Variants in MCC observed in about 807,000 individuals in gnomAD.
The protein encoded by MCC is colorectal mutant cancer protein.
In MCC, 90 loss-of-function variants were observed where a neutral mutation model predicts 116.2. The observed-to-expected ratio is 0.77, with a 90% CI of 0.65 to 0.92. MCC has a LOEUF of 0.92. Ranked by LOEUF, MCC falls within the 40% of genes least tolerant of loss-of-function variation. MCC has a pLI of 0.00. For synonymous variants in MCC, 578 were observed against 510.5 expected (o/e 1.13, Z -1.78); for missense variants, 1,516 against 1,312.2 (o/e 1.16, Z -2.40).
At chr5:113,189,229 T>A (rs184161553) in intron 3 of MCC, among the ~76,000 whole-genome samples, 4 of 152,208 alleles carry the variant, frequency 2.6e-5, no homozygotes, top group Non-Finnish European at 5.9e-5. Flanking sequence ...TGGCATCTTA[T>A]ATCACAACTC....
At chr5:113,149,742 C>G (rs924916936) in intron 4 of MCC, among the ~76,000 whole-genome samples, 8 of 152,074 alleles carry the variant, frequency 5.3e-5, no homozygotes, top group Non-Finnish European at 1.2e-4. Flanking sequence ...AAACAAAGCA[C>G]TTACACAGTA....
intron 1 of MCC, among the ~76,000 whole-genome samples, chr5:113,486,021 C>A (rs1028253530): frequency 6.6e-6 from 1 of 152,170 alleles, no homozygotes; most frequent in African/African-American, 2.4e-5. Context: ...GAGAGGGAAT[C>A]ATTTAATGCC....
At chr5:113,196,299 C>T (rs371997587) in intron 3 of MCC, among the ~76,000 whole-genome samples, 12 of 152,254 alleles carry the variant, frequency 7.9e-5, no homozygotes, top group South Asian at 2.1e-4. Context: ...GGGTCACAGT[C>T]AGGTGCCCAG....
rs57174154 is a variant in MCC, at chr5:113,249,139, GCTCT to G, written c.627+91376_627+91379del. 5.4e-3 allele frequency among the ~76,000 whole-genome samples: 809 copies of G among 149,382 alleles called. 3 individuals are homozygous for G. Among genetic ancestry groups the G allele is most frequent in the Middle Eastern group, 0.01 (3 of 292 alleles). ...TTACAGGCGTGAGCCACCGCACCCA[GCTCT>G]CTCTCTCTCTCTCTCTCTAAACAAT... On this transcript the variant is annotated intron_variant, in intron 3 of 18. Coordinates refer to ENST00000408903, the MANE Select transcript of MCC (RefSeq NM_001085377.2).
chr5:113,183,578 G>A (rs981463662), intron 3 of MCC, among the ~76,000 whole-genome samples: 2 of 152,078 alleles, frequency 1.3e-5, no homozygotes, highest in Admixed American at 1.3e-4. Flanking sequence ...TTCATTGGCT[G>A]CATCAAATTA....
chr5:113,444,481 C>T (rs141615148), intron 1 of MCC, among the ~76,000 whole-genome samples: 28 of 152,312 alleles, frequency 1.8e-4, no homozygotes, highest in African/African-American at 6.3e-4. Flanking sequence ...CTGCGGTCTA[C>T]ATGTCCTAGT....
intron 1 of MCC, among the ~76,000 whole-genome samples, chr5:113,463,715 T>C (rs455435): frequency 0.69 from 104,893 of 152,062 alleles, 36,598 homozygotes; most frequent in East Asian, 0.88. Context: ...GTTATGCAAG[T>C]CTGAGATGCA....
chr5:113,040,109 A>G (rs2150213189), intron 17 of MCC, among the ~76,000 whole-genome samples: 1 of 152,000 alleles, frequency 6.6e-6, no homozygotes, highest in East Asian at 1.9e-4. Flanking sequence ...CACAGCCAAC[A>G]AACTGCAATA....
chr5:113,311,360 T>C (rs2150368117), intron 3 of MCC, among the ~76,000 whole-genome samples: 1 of 152,314 alleles, frequency 6.6e-6, no homozygotes, highest in East Asian at 1.9e-4. Flanking sequence ...GAGTCTGTCA[T>C]GTTTCCTCTT....
At chr5:113,282,913 A>G (rs1441043997) in intron 3 of MCC, among the ~76,000 whole-genome samples, 1 of 151,748 alleles carries the variant, frequency 6.6e-6, no homozygotes, top group East Asian at 1.9e-4. Flanking sequence ...CTCTCCTAAA[A>G]CTCCTCTTTG....
At chr5:113,264,970 G>C (rs1318647062) in intron 3 of MCC, among the ~76,000 whole-genome samples, 5 of 152,110 alleles carry the variant, frequency 3.3e-5, no homozygotes, top group African/African-American at 1.2e-4. Flanking sequence ...TAACTTGGGA[G>C]GCGGAAGTTG....
At chr5:113,201,911 G>A (rs903150870) in intron 3 of MCC, among the ~76,000 whole-genome samples, 1 of 152,106 alleles carries the variant, frequency 6.6e-6, no homozygotes, top group African/African-American at 2.4e-5. Flanking sequence ...CACGCTGTCA[G>A]GCAGGCTACA....
chr5:113,392,491 CTT>C (rs1769425409), intron 1 of MCC, among the ~76,000 whole-genome samples: 1 of 150,832 alleles, frequency 6.6e-6, no homozygotes, highest in African/African-American at 2.5e-5. Context: ...GGTACCACCT[CTT>C]GAGAGGACTT....
intron 5 of MCC, among the ~76,000 whole-genome samples, chr5:113,123,880 C>T (rs377034948): frequency 6.6e-6 from 1 of 152,178 alleles, no homozygotes; most frequent in Admixed American, 6.5e-5. Context: ...GCCTGGCATT[C>T]ATTTTAAGTT....
chr5:113,042,474 C>CAAA (rs5870523), intron 17 of MCC, among the ~76,000 whole-genome samples: 82 of 68,456 alleles, frequency 1.2e-3, no homozygotes, highest in African/African-American at 4.0e-3. Context: ...GACCCTCTCT[C>CAAA]AAAAAAAAAA....
intron 1 of MCC, among the ~76,000 whole-genome samples, chr5:113,404,999 A>G (rs2150400244): frequency 6.6e-6 from 1 of 152,364 alleles, no homozygotes; most frequent in East Asian, 1.9e-4. Flanking sequence ...ATGGGACAGA[A>G]GCCTACTCTG....
At chr5:113,401,775 A>C (rs977085380) in intron 1 of MCC, among the ~76,000 whole-genome samples, 1 of 150,914 alleles carries the variant, frequency 6.6e-6, no homozygotes, top group South Asian at 2.1e-4. Context: ...TTATTTATAT[A>C]TATATATATA....
chr5:113,483,662 T>A (rs938967750), intron 1 of MCC, among the ~76,000 whole-genome samples: 2 of 151,968 alleles, frequency 1.3e-5, no homozygotes, highest in Non-Finnish European at 2.9e-5. Context: ...AAGACAGAAA[T>A]ACCATTCAAC....
intron 3 of MCC, among the ~76,000 whole-genome samples, chr5:113,279,401 A>G (rs558003661): frequency 6.6e-5 from 10 of 152,156 alleles, no homozygotes; most frequent in Non-Finnish European, 4.4e-5. Context: ...TACCTTATTA[A>G]CTCTATATAG....
Sources: allele counts gnomAD v4.1 joint callset (sites outside exome capture counted in the v4.1 genomes callset), GRCh38; gene constraint gnomAD v4.1.1; transcripts MANE v1.5; gene names NCBI Gene and HGNC (gene_info 2026-07-23, HGNC 2026-07-21).